Variants in SARDH observed in about 807,000 individuals in gnomAD.
SARDH encodes sarcosine dehydrogenase, mitochondrial.
Under a neutral mutation model 109.1 loss-of-function variants are expected in SARDH, and 95 were observed. The observed-to-expected ratio is 0.87, with a 90% CI of 0.74 to 1.03. The LOEUF is 1.03. SARDH is among the 50% of genes least tolerant of loss of function. The pLI is 0.00. For synonymous variants in SARDH, 572 were observed against 534.8 expected (o/e 1.07, Z -0.96); for missense variants, 1,267 against 1,287.8 (o/e 0.98, Z 0.25).
At chr9:133,725,430 T>C in intron 6 of SARDH, 1 of 339,612 alleles carries the variant, frequency 2.9e-6, no homozygotes, top group Non-Finnish European at 5.9e-6. Context: ...CCTAGCACTT[T>C]GGAAGTCCGA....
At chr9:133,739,069 T>G (rs1832977806), upstream of SARDH, among the ~76,000 whole-genome samples, 1 of 152,152 alleles carries the variant, frequency 6.6e-6, no homozygotes, top group Admixed American at 6.5e-5. Flanking sequence ...GCAGCCTGAC[T>G]CTGGGCTGGG....
At chr9:133,723,691 A>G (rs1382101656) in intron 6 of SARDH, among the ~76,000 whole-genome samples, 3 of 152,226 alleles carry the variant, frequency 2.0e-5, no homozygotes, top group African/African-American at 7.2e-5. Context: ...TGAACCCAGG[A>G]GGCAGAGCTT....
At chr9:133,670,790 AG>A in intron 18 of SARDH, 38 bp from the exon 19 acceptor site, 1 of 1,527,856 alleles carries the variant, frequency 6.5e-7, no homozygotes. Context: ...TGCCACCCTG[AG>A]GGGGATAAGC....
In SARDH at chr9:133,686,668, A is replaced by G. The variant is rs1830897055; in HGVS notation, c.2070-1382T>C. ...AGGGTGAGGCCCCCATTGCTAGGAG[A>G]CGCCCCCCCACTTCTGTCCCTCTGG... On this transcript the variant is annotated intron_variant, in intron 16 of 20. Coordinates refer to ENST00000439388, the MANE Select transcript of SARDH (RefSeq NM_001134707.2). The surrounding 1 kb of genome is among the most constrained non-coding windows in gnomAD (Gnocchi z 4.0). 1.3e-5 allele frequency among the ~76,000 whole-genome samples: 2 copies of G among 151,888 alleles called. No individual in the cohort carries two copies. Among genetic ancestry groups the G allele is most frequent in the African/African-American group, 4.8e-5 (2 of 41,328 alleles).
At chr9:133,682,067 C>T (rs1341976228) in intron 17 of SARDH, among the ~76,000 whole-genome samples, 5 of 152,160 alleles carry the variant, frequency 3.3e-5, no homozygotes, top group African/African-American at 4.8e-5. Flanking sequence ...GACCATGAAC[C>T]GCACATACCT....
At chr9:133,706,710 C>T (rs1831707687) in intron 11 of SARDH, among the ~76,000 whole-genome samples, 2 of 152,176 alleles carry the variant, frequency 1.3e-5, no homozygotes, top group African/African-American at 4.8e-5. Flanking sequence ...AAAAAGAAAA[C>T]CCACTCTCGG....
At chr9:133,680,943 G>A (rs778215336) in intron 17 of SARDH, among the ~76,000 whole-genome samples, 3 of 152,220 alleles carry the variant, frequency 2.0e-5, no homozygotes, top group East Asian at 1.9e-4. Flanking sequence ...GTCTGTCCCC[G>A]ATGGACCCCA....
Position 133,722,395 on chromosome 9 carries a change from T to G in SARDH, c.916-3353A>C, listed in dbSNP as rs908111093. On this transcript the variant is annotated intron_variant, in intron 6 of 20. Transcript: ENST00000439388. Reference sequence around the variant, plus strand: ...TGAAGGGTATCTACAAAAACCCACATGGAATGTGATACTTCAAGGAAGAAG... The same window carrying G: ...TGAAGGGTATCTACAAAAACCCACAGGGAATGTGATACTTCAAGGAAGAAG... 1.5e-4 allele frequency among the ~76,000 whole-genome samples: 23 copies of G among 151,746 alleles called. 1 individual carries two copies. The highest frequency in any genetic ancestry group is 1.4e-3 in the Admixed American group (22 of 15,236).
chr9:133,731,470 A>G lies in SARDH; in HGVS notation c.525T>C (p.Tyr175=), dbSNP rs748790147. 6.2e-7 allele frequency: 1 copy of G among 1,614,066 alleles called. No individual in the cohort carries two copies. Among genetic ancestry groups the G allele is most frequent in the Admixed American group, 1.7e-5 (1 of 60,006 alleles). ...GGCTCAGCACATGGGATTCCACACC[A>G]TACGCCTTGCCCAGCTAGGGGGACC... ...YKRLMSLGKA[Y]GVESHVLSPA... Residue 175 remains tyrosine (Y), a synonymous_variant, in exon 4 of 21, where the codon TAT becomes TAC. Coordinates refer to ENST00000439388, the MANE Select transcript of SARDH (RefSeq NM_001134707.2).
chr9:133,682,315 A>T (rs1356154906), intron 17 of SARDH, among the ~76,000 whole-genome samples: 1 of 152,246 alleles, frequency 6.6e-6, no homozygotes. Context: ...CAGTGTGTAC[A>T]GACTGCATGG....
At chr9:133,707,370 G>T (rs1831730362) in intron 11 of SARDH, among the ~76,000 whole-genome samples, 1 of 152,182 alleles carries the variant, frequency 6.6e-6, no homozygotes, top group African/African-American at 2.4e-5. Context: ...ATGCTAGGGA[G>T]ACCCCAGGGC....
chr9:133,672,110 G>A (rs1228978979), intron 17 of SARDH, among the ~76,000 whole-genome samples: 2 of 152,152 alleles, frequency 1.3e-5, no homozygotes, highest in African/African-American at 4.8e-5. Context: ...CTCCGGAGAC[G>A]ACCCTTCCAC....
At chr9:133,719,192 G>C (rs375422009) in intron 6 of SARDH, 150 bp from the exon 7 acceptor site, 5 of 632,594 alleles carry the variant, frequency 7.9e-6, no homozygotes, top group South Asian at 3.7e-5. Context: ...GAGTGGACAC[G>C]GGGCCTCAAG....
At chr9:133,677,096 C>A (rs1289778715) in intron 17 of SARDH, among the ~76,000 whole-genome samples, 31 of 152,044 alleles carry the variant, frequency 2.0e-4, no homozygotes, top group Non-Finnish European at 4.0e-4. Context: ...CCAAGGTCGC[C>A]CCACTGCACT....
At chr9:133,708,161 G>T in intron 11 of SARDH, 126 bp downstream of exon 11, 2 of 1,139,764 alleles carry the variant, frequency 1.8e-6, no homozygotes, top group South Asian at 1.6e-5. Context: ...CCTGGGGAAT[G>T]ACAGACACCT....
chr9:133,666,953 G>A lies in SARDH; in HGVS notation c.2496-83C>T. 1 of 1,559,530 alleles carries A rather than the reference G, an allele frequency of 6.4e-7. No homozygotes were observed. The highest frequency in any genetic ancestry group is 8.7e-7 in the Non-Finnish European group (1 of 1,146,572). ...CACAGCGGCCTGGAGGAGAATGGGG[G>A]GCTGCATGATGCACACCCAACCGTG... On this transcript the variant is annotated intron_variant, in intron 19 of 20. Coordinates refer to ENST00000439388, the MANE Select transcript of SARDH (RefSeq NM_001134707.2). This position sits in a 1 kb window ranked among gnomAD's most constrained non-coding sequence, Gnocchi z 5.2.
At chr9:133,705,121 G>A (rs978074233) in intron 11 of SARDH, 90 bp from the exon 12 acceptor site, 1 of 1,328,024 alleles carries the variant, frequency 7.5e-7, no homozygotes, top group African/African-American at 1.5e-5. Context: ...TTACACCCAA[G>A]GGTGCGGAGA....
At chr9:133,685,875 G>A (rs758291958) in intron 16 of SARDH, among the ~76,000 whole-genome samples, 8 of 152,158 alleles carry the variant, frequency 5.3e-5, no homozygotes, top group South Asian at 2.1e-4. Context: ...ACACCACCCC[G>A]CTCTGTTCCC....
intron 17 of SARDH, among the ~76,000 whole-genome samples, chr9:133,679,546 G>A (rs2131354926): frequency 6.6e-6 from 1 of 152,352 alleles, no homozygotes; most frequent in Admixed American, 6.5e-5. Context: ...CAGGGGCCCT[G>A]GGAACACCGT....
Sources: gnomAD v4.1 joint callset for allele counts (sites outside exome capture counted in the v4.1 genomes callset) on GRCh38, gnomAD v4.1.1 for gene constraint, Gnocchi (gnomAD v3.1) non-coding constraint, MANE v1.5 for transcripts, NCBI Gene and HGNC (gene_info 2026-07-23, HGNC 2026-07-21) for gene names.